Variants in IL1RAPL1 observed in about 807,000 individuals in gnomAD.
IL1RAPL1 encodes interleukin-1 receptor accessory protein-like 1.
A neutral mutation model predicts 48.4 loss-of-function variants in IL1RAPL1; 3 were observed. The observed-to-expected ratio is 0.06, with a 90% CI of 0.03 to 0.16. The LOEUF is 0.16. IL1RAPL1 is among the 10% of genes least tolerant of loss of function. The probability of loss-of-function intolerance (pLI) is 1.00; values close to 1 mark genes in which losing one functional copy is unlikely to be tolerated. For synonymous variants in IL1RAPL1, 185 were observed against 187.7 expected (o/e 0.99, Z 0.12); for missense variants, 349 against 530.6 (o/e 0.66, Z 3.36).
intron 2 of IL1RAPL1, among the ~76,000 whole-genome samples, chrX:29,087,475 T>G: frequency 9.0e-6 from 1 of 110,838 alleles, no homozygotes; most frequent in Admixed American, 9.7e-5. Context: ...ACTACAAACA[T>G]TGAAAGAGAC....
chrX:29,172,558 CTACT>C (rs1285835533), intron 2 of IL1RAPL1, among the ~76,000 whole-genome samples: 2 of 111,946 alleles, frequency 1.8e-5, no homozygotes, highest in Non-Finnish European at 3.8e-5. Context: ...CCACAAAAAT[CTACT>C]TACTTAACAA....
At chrX:29,151,347 G>T (rs887456552) in intron 2 of IL1RAPL1, among the ~76,000 whole-genome samples, 1 of 111,840 alleles carries the variant, frequency 8.9e-6, no homozygotes, top group African/African-American at 3.3e-5. Context: ...TTTTAATCCT[G>T]CTGCTTCTGT....
At chrX:29,335,789 A>G (rs902369132) in intron 3 of IL1RAPL1, among the ~76,000 whole-genome samples, 1 of 111,520 alleles carries the variant, frequency 9.0e-6, no homozygotes, top group Non-Finnish European at 1.9e-5. Context: ...CTATTTTTCT[A>G]TTTTATTATT....
intron 10 of IL1RAPL1, among the ~76,000 whole-genome samples, 154 bp from the exon 11 acceptor site, chrX:29,954,948 C>CG (rs1156874529): frequency 1.8e-5 from 2 of 111,062 alleles, no homozygotes; most frequent in African/African-American, 3.3e-5. Context: ...AGATTTGTAC[C>CG]GGGAAAAAAA....
At chrX:28,668,448 C>T (rs1934906995) in intron 1 of IL1RAPL1, among the ~76,000 whole-genome samples, 2 of 112,226 alleles carry the variant, frequency 1.8e-5, no homozygotes, top group Non-Finnish European at 3.8e-5. Flanking sequence ...TTAGTAGAGA[C>T]AGGGTTACGC....
At chrX:28,879,131 A>G (rs749113116) in intron 2 of IL1RAPL1, among the ~76,000 whole-genome samples, 1 of 111,554 alleles carries the variant, frequency 9.0e-6, no homozygotes, top group Admixed American at 9.6e-5. Context: ...TGGTTCTTTT[A>G]TTTTTCTCTT....
At chrX:29,186,989 A>C (rs756213591) in intron 2 of IL1RAPL1, among the ~76,000 whole-genome samples, 5 of 110,860 alleles carry the variant, frequency 4.5e-5, no homozygotes, top group African/African-American at 1.6e-4. Context: ...GGGGAGGGAG[A>C]GCATCAGGAA....
chrX:28,820,300 C>T (rs1936924121), intron 2 of IL1RAPL1, among the ~76,000 whole-genome samples: 1 of 109,046 alleles, frequency 9.2e-6, no homozygotes, highest in African/African-American at 3.3e-5. Context: ...TTGAAAATGA[C>T]CCTCAAGATA....
intron 2 of IL1RAPL1, among the ~76,000 whole-genome samples, chrX:29,108,783 C>G (rs372225540): frequency 9.0e-6 from 1 of 111,064 alleles, no homozygotes; most frequent in East Asian, 2.8e-4. Context: ...TGATATATAT[C>G]TAAGAAAGGA....
intron 2 of IL1RAPL1, among the ~76,000 whole-genome samples, chrX:29,270,820 A>G (rs775610751): frequency 3.0e-4 from 33 of 111,855 alleles, no homozygotes; most frequent in Middle Eastern, 9.2e-3. Context: ...TTGTCATTGT[A>G]TTAAATCTAT....
chrX:29,944,733 A>C (rs1176573811), intron 9 of IL1RAPL1, among the ~76,000 whole-genome samples: 1 of 111,351 alleles, frequency 9.0e-6, no homozygotes, highest in Non-Finnish European at 1.9e-5. Flanking sequence ...TAAAGGAAAA[A>C]GTCACCTGGT....
intron 6 of IL1RAPL1, among the ~76,000 whole-genome samples, chrX:29,860,255 AGT>A (rs1370945949): frequency 8.9e-6 from 1 of 112,141 alleles, no homozygotes; most frequent in African/African-American, 3.2e-5. Flanking sequence ...CTTATAATTT[AGT>A]GTGTCAATAA....
intron 6 of IL1RAPL1, among the ~76,000 whole-genome samples, chrX:29,669,804 G>GA (rs921735051): frequency 9.0e-6 from 1 of 111,656 alleles, no homozygotes; most frequent in African/African-American, 3.2e-5. Flanking sequence ...TGCCACATAT[G>GA]AAGCAAATAG....
intron 5 of IL1RAPL1, among the ~76,000 whole-genome samples, chrX:29,463,895 A>G (rs1381876249): frequency 9.0e-6 from 1 of 111,242 alleles, no homozygotes; most frequent in Non-Finnish European, 1.9e-5. Flanking sequence ...CCGTGTAGGA[A>G]TTTCAGCCGA....
At chrX:29,439,324 TG>T (rs1341189837) in intron 5 of IL1RAPL1, among the ~76,000 whole-genome samples, 1 of 111,535 alleles carries the variant, frequency 9.0e-6, no homozygotes, top group Non-Finnish European at 1.9e-5. Flanking sequence ...GTTCTTTTCA[TG>T]GGAAAGGATG....
chrX:29,003,841 A>G (rs1452941573), intron 2 of IL1RAPL1, among the ~76,000 whole-genome samples: 3 of 112,554 alleles, frequency 2.7e-5, no homozygotes, highest in Non-Finnish European at 3.8e-5. Context: ...CGTTATGTAT[A>G]TAAGAAATAG....
At chrX:29,694,595 C>T (rs1926859979) in intron 6 of IL1RAPL1, among the ~76,000 whole-genome samples, 1 of 111,597 alleles carries the variant, frequency 9.0e-6, no homozygotes, top group Non-Finnish European at 1.9e-5. Flanking sequence ...AGTCCAAGAT[C>T]AAGGCACTGG....
chrX:28,786,399 C>T (rs1339908873), intron 1 of IL1RAPL1, among the ~76,000 whole-genome samples: 2 of 110,437 alleles, frequency 1.8e-5, no homozygotes, highest in African/African-American at 3.3e-5. Flanking sequence ...CAGGAGGCAG[C>T]GGTTGCAGTG....
At chrX:29,518,854 C>T (rs1401804719) in intron 5 of IL1RAPL1, among the ~76,000 whole-genome samples, 2 of 111,981 alleles carry the variant, frequency 1.8e-5, no homozygotes, top group East Asian at 5.6e-4. Context: ...AGAAAATAGA[C>T]TATTATAAAA....
Sources: allele counts gnomAD v4.1 joint callset (sites outside exome capture counted in the v4.1 genomes callset), GRCh38; gene constraint gnomAD v4.1.1; transcripts MANE v1.5; gene names NCBI Gene and HGNC (gene_info 2026-07-23, HGNC 2026-07-21).